The following AUTS2 variants were observed in gnomAD, a reference collection of about 807,000 sequenced individuals.
The protein encoded by AUTS2 is activator of transcription and developmental regulator AUTS2.
In AUTS2, 17 loss-of-function variants were observed where a neutral mutation model predicts 112.4. That is an observed-to-expected ratio of 0.15 (90% CI 0.10 to 0.23). AUTS2 has a LOEUF of 0.23. Ranked by LOEUF, AUTS2 falls within the 10% of genes least tolerant of loss-of-function variation. The pLI is 1.00. For synonymous variants in AUTS2, 751 were observed against 702.7 expected, an observed-to-expected ratio of 1.07 and a Z score of -1.09; for missense variants, 1,510 against 1,701.6, an observed-to-expected ratio of 0.89 and a Z score of 1.98.
intron 5 of AUTS2, among the ~76,000 whole-genome samples, chr7:70,660,118 A>C (rs1276449430): frequency 2.6e-5 from 4 of 152,078 alleles, no homozygotes; most frequent in Non-Finnish European, 5.9e-5. Context: ...CAGAGGTTGC[A>C]GTGAGCCAAG....
intron 5 of AUTS2, among the ~76,000 whole-genome samples, chr7:70,696,034 A>G (rs1809077204): frequency 6.6e-6 from 1 of 152,150 alleles, no homozygotes; most frequent in Non-Finnish European, 1.5e-5. Flanking sequence ...TTTTTTTTAA[A>G]AAGCCAGGAA....
chr7:70,251,435 T>C (rs1040829483), intron 4 of AUTS2, among the ~76,000 whole-genome samples: 5 of 152,132 alleles, frequency 3.3e-5, no homozygotes, highest in African/African-American at 1.2e-4. Flanking sequence ...AATGTACTCT[T>C]CCCCCGGGGT....
At position 70,307,247 on chromosome 7, in the gene AUTS2, C is replaced by T. The variant is rs79042048; in HGVS notation, c.661-128505C>T. On this transcript the variant is annotated intron_variant, in intron 4 of 18. Transcript: ENST00000342771. ...TAATGGTGTTCCATAGCCACTAGCACGCAGTAGCTCATAATTTCAAGGTGT... is the reference window on the plus strand; with the variant it reads ...TAATGGTGTTCCATAGCCACTAGCATGCAGTAGCTCATAATTTCAAGGTGT... Among the ~76,000 whole-genome samples, 342 of 152,282 alleles carry T rather than the reference C, an allele frequency of 2.2e-3. 3 individuals are homozygous for T. Among genetic ancestry groups the T allele is most frequent in the African/African-American group, 7.8e-3 (323 of 41,572 alleles).
chr7:69,789,048 TAAAG>T (rs1267265383), intron 1 of AUTS2, among the ~76,000 whole-genome samples: 5 of 152,224 alleles, frequency 3.3e-5, no homozygotes, highest in African/African-American at 1.2e-4. Context: ...CAAGGAGTAT[TAAAG>T]AAATTAATGT....
chr7:70,681,596 A>C (rs988789898), intron 5 of AUTS2, among the ~76,000 whole-genome samples: 3 of 152,182 alleles, frequency 2.0e-5, no homozygotes, highest in African/African-American at 7.2e-5. Context: ...GCGGTAGGCA[A>C]AGCAACACCA....
intron 2 of AUTS2, among the ~76,000 whole-genome samples, chr7:70,010,206 T>C (rs1378379685): frequency 1.3e-5 from 2 of 152,184 alleles, no homozygotes. Flanking sequence ...AGTGCAGTAG[T>C]GTGGTCACAG....
intron 5 of AUTS2, among the ~76,000 whole-genome samples, chr7:70,643,565 G>A (rs759641023): frequency 1.5e-4 from 23 of 152,018 alleles, no homozygotes; most frequent in South Asian, 2.1e-4. Context: ...GCGAGACTCC[G>A]TCTAAAAAAA....
At chr7:70,657,153 G>C (rs1806812921) in intron 5 of AUTS2, among the ~76,000 whole-genome samples, 1 of 152,206 alleles carries the variant, frequency 6.6e-6, no homozygotes, top group Non-Finnish European at 1.5e-5. Context: ...GCCCAAGGAT[G>C]AGTGGCTGCG....
chr7:70,730,702 T>A (rs1787335639), intron 6 of AUTS2, among the ~76,000 whole-genome samples: 1 of 152,214 alleles, frequency 6.6e-6, no homozygotes, highest in Non-Finnish European at 1.5e-5. Flanking sequence ...CTTTGAATAA[T>A]GCTGCCGTGA....
intron 2 of AUTS2, among the ~76,000 whole-genome samples, chr7:70,081,500 G>C (rs1803313688): frequency 6.6e-6 from 1 of 151,766 alleles, no homozygotes; most frequent in African/African-American, 2.4e-5. Flanking sequence ...GATGGAGGTT[G>C]TAGTGAGCCA....
At chr7:70,149,236 A>C (rs756011870) in intron 4 of AUTS2, among the ~76,000 whole-genome samples, 6 of 152,022 alleles carry the variant, frequency 3.9e-5, no homozygotes, top group Non-Finnish European at 5.9e-5. Context: ...TAAAACCCAC[A>C]CACACTCTCA....
chr7:70,079,252 T>C (rs2129564376), intron 2 of AUTS2, among the ~76,000 whole-genome samples: 1 of 152,314 alleles, frequency 6.6e-6, no homozygotes, highest in African/African-American at 2.4e-5. Flanking sequence ...TGGAACTGGC[T>C]CGTTAACAAT....
chr7:70,053,896 G>A (rs1801874724), intron 2 of AUTS2, among the ~76,000 whole-genome samples: 1 of 152,088 alleles, frequency 6.6e-6, no homozygotes, highest in Admixed American at 6.6e-5. Context: ...GCCAAAAATA[G>A]CAAAATGGGA....
At chr7:70,123,489 C>G (rs537622113) in intron 3 of AUTS2, among the ~76,000 whole-genome samples, 1 of 152,182 alleles carries the variant, frequency 6.6e-6, no homozygotes, top group Non-Finnish European at 1.5e-5. Flanking sequence ...TTCTACTCCT[C>G]TCCCTCTTAC....
intron 1 of AUTS2, among the ~76,000 whole-genome samples, chr7:69,633,296 C>G (rs1169892200): frequency 6.6e-6 from 1 of 152,018 alleles, no homozygotes; most frequent in African/African-American, 2.4e-5. Context: ...CAATAATATT[C>G]ATACACACAC....
At chr7:70,599,138 G>A (rs1235858424) in intron 5 of AUTS2, among the ~76,000 whole-genome samples, 1 of 152,188 alleles carries the variant, frequency 6.6e-6, no homozygotes, top group Admixed American at 6.5e-5. Context: ...GTTGCACAAT[G>A]CAGATTACTC....
At chr7:70,470,579 A>G (rs973687144) in intron 5 of AUTS2, among the ~76,000 whole-genome samples, 1 of 152,198 alleles carries the variant, frequency 6.6e-6, no homozygotes, top group African/African-American at 2.4e-5. Context: ...CATCTGGCTC[A>G]TCCCTGGACG....
intron 1 of AUTS2, among the ~76,000 whole-genome samples, chr7:69,690,288 C>T (rs1159818739): frequency 6.6e-6 from 1 of 152,180 alleles, no homozygotes; most frequent in Non-Finnish European, 1.5e-5. Context: ...GGATAGAAGA[C>T]ATAATTCTCT....
At chr7:70,235,552 A>G (rs1047422392) in intron 4 of AUTS2, among the ~76,000 whole-genome samples, 2 of 152,198 alleles carry the variant, frequency 1.3e-5, no homozygotes, top group Non-Finnish European at 2.9e-5. Context: ...CGTAATAACT[A>G]AAATACGTAC....
Sources: gnomAD v4.1 joint callset for allele counts (sites outside exome capture counted in the v4.1 genomes callset) on GRCh38, gnomAD v4.1.1 for gene constraint, MANE v1.5 for transcripts, NCBI Gene and HGNC (gene_info 2026-07-23, HGNC 2026-07-21) for gene names.